The following GALNT13 variants were observed in gnomAD, a reference collection of about 807,000 sequenced individuals.
GALNT13 encodes the protein UDP-GalNAc:polypeptide N-acetylgalactosaminyltransferase 13.
A neutral mutation model predicts 64.2 loss-of-function variants in GALNT13; 28 were observed. That is an observed-to-expected ratio of 0.44 (90% CI 0.32 to 0.60). The LOEUF (loss-of-function observed/expected upper bound fraction) is 0.60, where lower values mean the gene tolerates loss of function less well. Among genes scored for constraint, GALNT13 ranks in the 20% least tolerant of loss-of-function variants. The probability of loss-of-function intolerance (pLI) is 0.05; values close to 1 mark genes in which losing one functional copy is unlikely to be tolerated. For synonymous variants in GALNT13, 214 were observed against 224.6 expected, an observed-to-expected ratio of 0.95 and a Z score of 0.42; for missense variants, 577 against 669.8, an observed-to-expected ratio of 0.86 and a Z score of 1.53.
chr2:153,673,959 A>C, the GALNT13 span, among the ~76,000 whole-genome samples: 1 of 152,300 alleles, frequency 6.6e-6, no homozygotes, highest in Admixed American at 6.5e-5. Flanking sequence ...CAATTACTAC[A>C]AAGAGAATAA....
At chr2:153,392,400 A>G in the GALNT13 span, among the ~76,000 whole-genome samples, 1 of 152,084 alleles carries the variant, frequency 6.6e-6, no homozygotes, top group African/African-American at 2.4e-5. Flanking sequence ...TTTTCCTTCT[A>G]TAAAGCAACA....
the GALNT13 span, among the ~76,000 whole-genome samples, chr2:153,168,068 G>A: frequency 6.6e-6 from 1 of 152,164 alleles, no homozygotes; most frequent in African/African-American, 2.4e-5. Flanking sequence ...TAGGTTCCTA[G>A]CATTTCTCTC....
At chr2:154,154,960 G>GTGTT (rs1047050069) in intron 4 of GALNT13, among the ~76,000 whole-genome samples, 1 of 131,580 alleles carries the variant, frequency 7.6e-6, no homozygotes, top group African/African-American at 2.8e-5. Context: ...GTGTGTGTGT[G>GTGTT]TGTGTGTATA....
chr2:153,903,525 T>C (rs1335719145), intron 2 of GALNT13, among the ~76,000 whole-genome samples: 1 of 151,970 alleles, frequency 6.6e-6, no homozygotes, highest in Admixed American at 6.6e-5. Context: ...TGATTCATGT[T>C]CCAAGTAAGG....
At chr2:153,544,330 C>A in the GALNT13 span, among the ~76,000 whole-genome samples, 54 of 152,314 alleles carry the variant, frequency 3.5e-4, no homozygotes, top group South Asian at 0.011. Flanking sequence ...CCATAACTTT[C>A]TTCCGTTGCT....
chr2:154,080,804 G>C lies in GALNT13; in HGVS notation c.143-59533G>C, dbSNP rs914722961. ...GAATTGTAACCCTGTGCTAGCTAAA[G>C]TATGTCACCATCATATCAGTGCTAG... On this transcript the variant is annotated intron_variant, in intron 3 of 12. Transcript: ENST00000392825. Among the ~76,000 whole-genome samples the C allele has an allele frequency of 2.6e-5, 4 of 151,648 alleles. No homozygotes were observed. In the Admixed American group the frequency reaches 2.6e-4, roughly 10 times the overall value.
the GALNT13 span, among the ~76,000 whole-genome samples, chr2:153,725,438 C>G: frequency 1.3e-5 from 2 of 148,646 alleles, no homozygotes; most frequent in Admixed American, 1.3e-4. Context: ...CACATGTACC[C>G]TAAAACTTAA....
chr2:153,685,386 T>C, the GALNT13 span, among the ~76,000 whole-genome samples: 1 of 152,106 alleles, frequency 6.6e-6, no homozygotes, highest in African/African-American at 2.4e-5. Context: ...TATCTCATTG[T>C]GGTTTTGATT....
chr2:154,005,246 C>T (rs1696166397), intron 3 of GALNT13, among the ~76,000 whole-genome samples: 1 of 152,024 alleles, frequency 6.6e-6, no homozygotes, highest in South Asian at 2.1e-4. Context: ...CAATAATTAC[C>T]TTACTTTGTA....
chr2:153,937,014 GC>G (rs1258511638), intron 2 of GALNT13, among the ~76,000 whole-genome samples: 2 of 152,076 alleles, frequency 1.3e-5, no homozygotes, highest in African/African-American at 2.4e-5. Flanking sequence ...ACCGTGCCTG[GC>G]CATTAAATTT....
intron 1 of GALNT13, among the ~76,000 whole-genome samples, chr2:153,874,264 A>G (rs1305980133): frequency 6.6e-6 from 1 of 151,966 alleles, no homozygotes; most frequent in African/African-American, 2.4e-5. Flanking sequence ...ACTGTTTGCC[A>G]TAAACCAGGA....
At chr2:153,116,327 GA>G in the GALNT13 span, among the ~76,000 whole-genome samples, 1 of 152,066 alleles carries the variant, frequency 6.6e-6, no homozygotes, top group South Asian at 2.1e-4. Context: ...AAATGAGACT[GA>G]TTTTTTTCTT....
chr2:154,061,360 A>G (rs1224856733), intron 3 of GALNT13, among the ~76,000 whole-genome samples: 3 of 152,214 alleles, frequency 2.0e-5, no homozygotes, highest in South Asian at 4.1e-4. Flanking sequence ...CCTGACAGGT[A>G]AAAGCCTTTG....
At chr2:153,478,687 C>T in the GALNT13 span, 1 of 818,670 alleles carries the variant, frequency 1.2e-6, no homozygotes. Context: ...GGGCTCCTCG[C>T]TCTGCTTTCG....
intron 8 of GALNT13, among the ~76,000 whole-genome samples, chr2:154,291,588 G>A (rs962252280): frequency 3.9e-5 from 6 of 152,302 alleles, no homozygotes; most frequent in Admixed American, 1.3e-4. Context: ...GGCCGGCCAC[G>A]CTGGGTGCGG....
chr2:154,093,683 T>TTC (rs397704312), intron 3 of GALNT13, among the ~76,000 whole-genome samples: 1 of 151,538 alleles, frequency 6.6e-6, no homozygotes, highest in African/African-American at 2.4e-5. Context: ...TTTTTTTTTT[T>TTC]CATCGGACTC....
chr2:154,067,321 C>T (rs1700517922), intron 3 of GALNT13, among the ~76,000 whole-genome samples: 1 of 151,962 alleles, frequency 6.6e-6, no homozygotes, highest in Non-Finnish European at 1.5e-5. Flanking sequence ...GGACTAAACT[C>T]TCCAATCAAA....
At chr2:153,613,547 C>G in the GALNT13 span, among the ~76,000 whole-genome samples, 4 of 152,070 alleles carry the variant, frequency 2.6e-5, no homozygotes, top group Non-Finnish European at 4.4e-5. Context: ...GAGGCAGATT[C>G]TGTGTTCAAA....
At chr2:154,353,787 G>A (rs1373724361) in intron 9 of GALNT13, among the ~76,000 whole-genome samples, 3 of 152,090 alleles carry the variant, frequency 2.0e-5, no homozygotes, top group Non-Finnish European at 4.4e-5. Context: ...TGTAGGATGG[G>A]TATATATATG....
Sources: gnomAD v4.1 joint callset for allele counts (sites outside exome capture counted in the v4.1 genomes callset) on GRCh38, gnomAD v4.1.1 for gene constraint, MANE v1.5 for transcripts, NCBI Gene and HGNC (gene_info 2026-07-23, HGNC 2026-07-21) for gene names.